The following MICAL3 variants were observed in gnomAD, a reference collection of about 807,000 sequenced individuals.
MICAL3 encodes [F-actin]-monooxygenase MICAL3.
Under a neutral mutation model 207.4 loss-of-function variants are expected in MICAL3, and 62 were observed. The ratio of observed to expected loss-of-function variants is 0.30; its 90% CI spans 0.24 to 0.37. MICAL3 has a LOEUF of 0.37. Ranked by LOEUF, MICAL3 falls within the 10% of genes least tolerant of loss-of-function variation. MICAL3 has a pLI of 1.00. For synonymous variants in MICAL3, 1,077 were observed against 1,069.3 expected (o/e 1.01, Z -0.14); for missense variants, 2,368 against 2,635.6 (o/e 0.90, Z 2.22).
chr22:17,884,251 T>C (rs759269919), intron 16 of MICAL3: 5 of 1,563,962 alleles, frequency 3.2e-6, no homozygotes, highest in Non-Finnish European at 4.4e-6. Flanking sequence ...ACAGCACCCA[T>C]CCTGGCCCTG....
At chr22:17,863,429 A>G (rs1926725790) in intron 19 of MICAL3, 1 of 985,256 alleles carries the variant, frequency 1.0e-6, no homozygotes, top group African/African-American at 1.7e-5. Flanking sequence ...CCCTTTGGTT[A>G]TTTTTCTCTA....
chr22:17,988,605 C>A (rs1301513370), intron 1 of MICAL3, among the ~76,000 whole-genome samples: 4 of 152,196 alleles, frequency 2.6e-5, no homozygotes, highest in Non-Finnish European at 5.9e-5. Flanking sequence ...CAGGCGCCTG[C>A]AACCGCGCCC....
intron 29 of MICAL3, among the ~76,000 whole-genome samples, chr22:17,802,559 C>T (rs182632182): frequency 1.3e-4 from 19 of 148,734 alleles, no homozygotes; most frequent in African/African-American, 4.2e-4. Context: ...GGCGTGGGTC[C>T]GTGGGAGCGT....
rs1602007384 is a variant in MICAL3, at chr22:17,834,377, G to A, written c.2802-2270C>T. On this transcript the variant is annotated intron_variant, in intron 20 of 31. Transcript: ENST00000441493. ...TATTCAATTATCTTCCCCTCACAAC[G>A]CACTTGCTAGACACTGTAGGGAACA... 2.4e-6 allele frequency: 3 copies of A among 1,250,968 alleles called. No individual in the cohort carries two copies. In the South Asian group the frequency reaches 4.0e-5, roughly 17 times the overall value. The allele number at this position is 1,250,968 out of a possible 1,614,324, so 77.5% of individuals were successfully genotyped here.
intron 1 of MICAL3, among the ~76,000 whole-genome samples, chr22:17,964,912 C>T (rs374269082): frequency 2.0e-5 from 3 of 152,154 alleles, no homozygotes; most frequent in Admixed American, 6.5e-5. Flanking sequence ...TGACCGTAAG[C>T]GCACTGCTAA....
intron 22 of MICAL3, among the ~76,000 whole-genome samples, chr22:17,827,109 A>T (rs1271118767): frequency 2.6e-5 from 4 of 152,180 alleles, no homozygotes; most frequent in African/African-American, 9.7e-5. Context: ...TCCTTTATTT[A>T]AAAAAGCCAG....
intron 1 of MICAL3, among the ~76,000 whole-genome samples, chr22:17,972,615 T>A (rs438708): frequency 4.6e-5 from 7 of 151,776 alleles, no homozygotes; most frequent in Non-Finnish European, 8.8e-5. Flanking sequence ...CAGGTCAGGG[T>A]CCGGGGCTGG....
rs118034618 is a variant in MICAL3, at chr22:17,878,844, C to T, written c.2242-6821G>A. On this transcript the variant is annotated intron_variant, in intron 16 of 31. Transcript: ENST00000441493. ...TACAGCCCCATTTTGCCATCACCTA[C>T]CTTTCTCCCCCTCATTCTCATCCCA... Among the ~76,000 whole-genome samples the T allele has an allele frequency of 3.7e-3, 560 of 152,276 alleles. 2 individuals are homozygous for T. The highest frequency in any genetic ancestry group is 5.6e-3 in the Non-Finnish European group (384 of 68,022).
At chr22:17,929,071 G>A (rs1375214644) in intron 1 of MICAL3, among the ~76,000 whole-genome samples, 1 of 149,444 alleles carries the variant, frequency 6.7e-6, no homozygotes, top group East Asian at 2.0e-4. Context: ...GGGATTACAA[G>A]CATGAGCCAC....
intron 16 of MICAL3, among the ~76,000 whole-genome samples, chr22:17,880,800 C>G (rs532396921): frequency 2.6e-5 from 4 of 152,346 alleles, no homozygotes; most frequent in African/African-American, 9.6e-5. Context: ...GAACGAAACT[C>G]ACGTGGAGAA....
chr22:17,890,017 C>T (rs572978748), intron 12 of MICAL3, among the ~76,000 whole-genome samples: 1 of 152,272 alleles, frequency 6.6e-6, no homozygotes, highest in Admixed American at 6.5e-5. Context: ...TAGCCTTCTC[C>T]TGGAGGGGAA....
intron 19 of MICAL3, among the ~76,000 whole-genome samples, chr22:17,859,062 G>C (rs1323869031): frequency 6.6e-6 from 1 of 152,216 alleles, no homozygotes; most frequent in African/African-American, 2.4e-5. Flanking sequence ...AGACCTGGGG[G>C]GCTGAGGGGA....
chr22:17,792,919 C>T (rs948297997), intron 29 of MICAL3, among the ~76,000 whole-genome samples: 3 of 152,248 alleles, frequency 2.0e-5, no homozygotes, highest in East Asian at 1.9e-4. Flanking sequence ...GCTTTCGGAG[C>T]GTCTCTGCAC....
chr22:17,889,261 G>C, intron 12 of MICAL3, 31 bp from the exon 13 acceptor site: 1 of 1,535,236 alleles, frequency 6.5e-7, no homozygotes, highest in Non-Finnish European at 9.0e-7. Context: ...AACATATCAA[G>C]ATAGGTTGAC....
intron 1 of MICAL3, among the ~76,000 whole-genome samples, chr22:17,954,079 G>GGGAA (rs1341165140): frequency 6.6e-6 from 1 of 151,940 alleles, no homozygotes; most frequent in Non-Finnish European, 1.5e-5. Context: ...GATGTAATAC[G>GGGAA]GGAAACTATG....
In MICAL3 at chr22:17,789,070, G is replaced by A. The variant is rs1018992720; in HGVS notation, c.*1662C>T. 1 of 152,394 alleles carries A rather than the reference G, an allele frequency of 6.6e-6. No individual in the cohort carries two copies. The highest frequency in any genetic ancestry group is 2.4e-5 in the African/African-American group (1 of 41,480). 9.4% of individuals were successfully genotyped at this position (152,394 alleles called of 1,614,324 possible). The stretch of plus-strand genomic sequence containing the variant: ...TGGCTTGATGAGCTGTACACAGCCA[G>A]GCTGGTGCGGAACCGTGAGAAAGGA... On this transcript the variant is annotated 3_prime_UTR_variant, in exon 32 of 32. Coordinates refer to ENST00000441493, the MANE Select transcript of MICAL3 (RefSeq NM_015241.3).
intron 20 of MICAL3, among the ~76,000 whole-genome samples, chr22:17,838,111 A>G (rs934960670): frequency 1.3e-5 from 2 of 152,222 alleles, no homozygotes; most frequent in African/African-American, 2.4e-5. Flanking sequence ...GGCTGCAATT[A>G]TATTTTTAGC....
chr22:17,861,514 G>A lies in MICAL3; in HGVS notation c.2605+3385C>T, dbSNP rs1489753412. 10 of 985,308 alleles carry A rather than the reference G, an allele frequency of 1.0e-5. No individual in the cohort carries two copies. The African/African-American group carries it at 1.4e-4, about 14-fold the overall frequency. The allele number at this position is 985,308 out of a possible 1,614,324, so 61.0% of individuals were successfully genotyped here. A position where few individuals can be genotyped will look rare whatever the true frequency, so the allele number is the denominator to read the frequency against. On this transcript the variant is annotated intron_variant, in intron 19 of 31. Transcript: ENST00000441493. The stretch of plus-strand genomic sequence containing the variant: ...CCTACTTCATTTTTGGTCATCAACC[G>A]TATCAGATAAAAAGAGGATTCCTCT...
intron 19 of MICAL3, among the ~76,000 whole-genome samples, chr22:17,850,473 C>T (rs1344995602): frequency 1.6e-5 from 2 of 124,754 alleles, no homozygotes; most frequent in African/African-American, 6.2e-5. Context: ...TGCAGTGGTG[C>T]GATCTTGGCT....
Sources: allele counts gnomAD v4.1 joint callset (sites outside exome capture counted in the v4.1 genomes callset), GRCh38; gene constraint gnomAD v4.1.1; transcripts MANE v1.5; gene names NCBI Gene and HGNC (gene_info 2026-07-23, HGNC 2026-07-21).